Variants in MAP4 observed in about 807,000 individuals in gnomAD.
The protein encoded by MAP4 is microtubule associated protein 4.
A neutral mutation model predicts 170.2 loss-of-function variants in MAP4; 76 were observed. The observed-to-expected ratio is 0.45, with a 90% confidence interval of 0.37 to 0.54. The LOEUF (loss-of-function observed/expected upper bound fraction) is 0.54, where lower values mean the gene tolerates loss of function less well. Ranked by LOEUF, MAP4 falls within the 20% of genes least tolerant of loss-of-function variation. The pLI is 0.00. For synonymous variants in MAP4, 909 were observed against 994.5 expected (o/e 0.91, Z 1.62); for missense variants, 2,506 against 2,748.0 (o/e 0.91, Z 1.97).
At chr3:48,006,742 T>A (rs1181114469) in intron 1 of MAP4, among the ~76,000 whole-genome samples, 1 of 152,212 alleles carries the variant, frequency 6.6e-6, no homozygotes, top group African/African-American at 2.4e-5. Flanking sequence ...TCCCACCACA[T>A]CCCCATTAAC....
intron 17 of MAP4, 75 bp from the exon 18 acceptor site, chr3:47,857,587 A>G (rs1012636922): frequency 2.0e-6 from 2 of 985,290 alleles, no homozygotes; most frequent in African/African-American, 1.6e-5. Context: ...TACCTTTTAA[A>G]TCTTCTCCAT....
chr3:47,982,473 A>G (rs2100085983), intron 2 of MAP4, among the ~76,000 whole-genome samples: 1 of 152,224 alleles, frequency 6.6e-6, no homozygotes, highest in Non-Finnish European at 1.5e-5. Flanking sequence ...AAAATGCTAT[A>G]TATTTAGAAG....
At chr3:47,973,750 T>C in intron 3 of MAP4, 1 of 985,460 alleles carries the variant, frequency 1.0e-6, no homozygotes, top group Non-Finnish European at 1.2e-6. Context: ...ACATGATTTT[T>C]AAAAATAACT....
At chr3:47,921,029 A>T (rs943425221) in intron 5 of MAP4, among the ~76,000 whole-genome samples, 1 of 152,180 alleles carries the variant, frequency 6.6e-6, no homozygotes. Flanking sequence ...ACACACCTGT[A>T]ATCCCAGCTG....
chr3:47,916,711 T>G lies in MAP4; in HGVS notation c.1116A>C (p.Pro372=), dbSNP rs746976098. ...CTGTTTCTTTCTTGTTTTCTTTGGG[T>G]GGTCCCATGTCCTTGGAAGGGGCTA... is the stretch of plus-strand genomic sequence containing the variant. ...MDLAPSKDMG[P]PKENKKETER... The change falls in exon 7 of 21, where the codon CCA becomes CCC. Residue 372 remains proline (P), a synonymous_variant. Transcript: ENST00000683076. 18 of 1,614,128 alleles carry G rather than the reference T, an allele frequency of 1.1e-5. No individual in the cohort carries two copies. Among genetic ancestry groups the G allele is most frequent in the Non-Finnish European group, 1.4e-5 (17 of 1,180,012 alleles).
chr3:47,891,780 C>T (rs906560644), intron 10 of MAP4: 2 of 1,536,168 alleles, frequency 1.3e-6, no homozygotes, highest in Admixed American at 2.0e-5. Context: ...GCTGGGTGGG[C>T]TAGAGACACC....
intron 2 of MAP4, among the ~76,000 whole-genome samples, chr3:47,992,653 A>G (rs2100093037): frequency 6.6e-6 from 1 of 152,164 alleles, no homozygotes; most frequent in Non-Finnish European, 1.5e-5. Context: ...ATTCTATGAA[A>G]AAATTATTCA....
At chr3:47,974,684 A>C in intron 3 of MAP4, 1 of 964,574 alleles carries the variant, frequency 1.0e-6, no homozygotes, top group South Asian at 4.8e-5. Flanking sequence ...TTCTAGATTT[A>C]AGCAATTAGT....
chr3:47,870,916 CG>C lies in MAP4; in HGVS notation c.6190del (p.Arg2064GlyfsTer14), dbSNP rs778275488. ...TSAKPSSTTP[R>X]LSRLATNTSA... ...AGTATTGGTGGCCAGGCGGCTGAGC[CG>C]GGGGGTGGTGGAGCTGGGTTTGGCC... On this transcript the variant is annotated frameshift_variant, in exon 15 of 21. Transcript: ENST00000683076. LOFTEE classifies it high-confidence loss of function. 1 of 1,613,880 alleles carries C rather than the reference CG, an allele frequency of 6.2e-7. No homozygotes were observed. The highest frequency in any genetic ancestry group is 8.5e-7 in the Non-Finnish European group (1 of 1,179,894).
chr3:48,043,056 C>T (rs2100122487), intron 1 of MAP4, among the ~76,000 whole-genome samples: 1 of 152,124 alleles, frequency 6.6e-6, no homozygotes, highest in Non-Finnish European at 1.5e-5. Flanking sequence ...ACTAATGGTG[C>T]ACATGTCTGT....
intron 1 of MAP4, among the ~76,000 whole-genome samples, chr3:48,007,491 GGCT>G (rs1264290572): frequency 6.6e-6 from 1 of 152,178 alleles, no homozygotes; most frequent in Non-Finnish European, 1.5e-5. Flanking sequence ...AACAGGTCCA[GGCT>G]GCTGTGCAAG....
intron 1 of MAP4, among the ~76,000 whole-genome samples, chr3:48,046,598 G>A (rs961707526): frequency 1.1e-4 from 16 of 152,240 alleles, no homozygotes; most frequent in African/African-American, 3.6e-4. Context: ...TTCAAGTGAT[G>A]CCCACATTAC....
intron 1 of MAP4, among the ~76,000 whole-genome samples, chr3:48,031,484 G>A (rs1383577497): frequency 6.6e-6 from 1 of 152,142 alleles, no homozygotes; most frequent in African/African-American, 2.4e-5. Flanking sequence ...CCAGGAGACG[G>A]AAGTTACAGT....
At chr3:47,974,468 G>A in intron 3 of MAP4, 3 of 984,372 alleles carry the variant, frequency 3.0e-6, no homozygotes, top group Non-Finnish European at 1.2e-6. Context: ...TCAGAACATG[G>A]TGCCAATTAT....
At chr3:48,042,966 T>C (rs2100122443) in intron 1 of MAP4, among the ~76,000 whole-genome samples, 1 of 152,180 alleles carries the variant, frequency 6.6e-6, no homozygotes, top group Non-Finnish European at 1.5e-5. Context: ...TGCCTGGGGC[T>C]TGGGGTTTAT....
chr3:48,036,532 A>G (rs2100118799), intron 1 of MAP4, among the ~76,000 whole-genome samples: 1 of 152,172 alleles, frequency 6.6e-6, no homozygotes, highest in Non-Finnish European at 1.5e-5. Context: ...CGTAGGTCCA[A>G]GGGGGCGCCT....
intron 5 of MAP4, among the ~76,000 whole-genome samples, chr3:47,921,420 A>G (rs536848931): frequency 6.6e-6 from 1 of 152,328 alleles, no homozygotes; most frequent in African/African-American, 2.4e-5. Context: ...AGGAATCTAC[A>G]CAGCAACCTT....
intron 1 of MAP4, among the ~76,000 whole-genome samples, chr3:48,059,768 C>T (rs1267453125): frequency 6.6e-6 from 1 of 151,940 alleles, no homozygotes; most frequent in Non-Finnish European, 1.5e-5. Context: ...TGCCTGAGCT[C>T]GGGAGTTCGA....
chr3:47,973,816 A>G, intron 3 of MAP4: 5 of 985,394 alleles, frequency 5.1e-6, no homozygotes, highest in Non-Finnish European at 6.0e-6. Context: ...AACTTAATAA[A>G]TAACTGTACA....
Sources: gnomAD v4.1 joint callset for allele counts (sites outside exome capture counted in the v4.1 genomes callset) on GRCh38, gnomAD v4.1.1 for gene constraint, MANE v1.5 for transcripts, NCBI Gene and HGNC (gene_info 2026-07-23, HGNC 2026-07-21) for gene names.